The following GALNTL6 variants were observed in gnomAD, a reference collection of about 807,000 sequenced individuals.
GALNTL6 encodes the protein polypeptide N-acetylgalactosaminyltransferase like 6.
A neutral mutation model predicts 73.7 loss-of-function variants in GALNTL6; 46 were observed. That is an observed-to-expected ratio of 0.62 (90% CI 0.49 to 0.80). GALNTL6 has a LOEUF of 0.80. GALNTL6 is among the 30% of genes least tolerant of loss of function. GALNTL6 has a pLI of 0.00. For synonymous variants in GALNTL6, 259 were observed against 263.7 expected (o/e 0.98, Z 0.17); for missense variants, 604 against 755.0 (o/e 0.80, Z 2.34).
chr4:172,018,027 G>T (rs1741264514), intron 2 of GALNTL6, among the ~76,000 whole-genome samples: 1 of 152,118 alleles, frequency 6.6e-6, no homozygotes, highest in Admixed American at 6.6e-5. Flanking sequence ...CATGTGAACA[G>T]ATTTGGGACC....
intron 5 of GALNTL6, among the ~76,000 whole-genome samples, chr4:172,612,721 T>C (rs1738575128): frequency 6.6e-6 from 1 of 152,148 alleles, no homozygotes; most frequent in African/African-American, 2.4e-5. Flanking sequence ...CTTCTTTTTT[T>C]GTTTTCCCCT....
At chr4:172,884,069 T>C in intron 8 of GALNTL6, among the ~76,000 whole-genome samples, 1 of 152,160 alleles carries the variant, frequency 6.6e-6, no homozygotes, top group Non-Finnish European at 1.5e-5. Flanking sequence ...GAGACCATTG[T>C]CACAAAAAAA....
At chr4:172,017,449 A>G (rs1233218371) in intron 2 of GALNTL6, among the ~76,000 whole-genome samples, 1 of 152,038 alleles carries the variant, frequency 6.6e-6, no homozygotes, top group East Asian at 1.9e-4. Context: ...AAGGCTGTCT[A>G]TAGAGGCCTC....
chr4:171,945,988 A>G (rs1738691824), intron 2 of GALNTL6, among the ~76,000 whole-genome samples: 1 of 152,128 alleles, frequency 6.6e-6, no homozygotes, highest in East Asian at 1.9e-4. Context: ...GCTTATAAAG[A>G]GCTTACTGAA....
chr4:171,951,319 G>C (rs1738869803), intron 2 of GALNTL6, among the ~76,000 whole-genome samples: 1 of 152,030 alleles, frequency 6.6e-6, no homozygotes, highest in Non-Finnish European at 1.5e-5. Flanking sequence ...AAACAAGCTA[G>C]AAATATGTAA....
At chr4:172,207,038 C>A (rs1006306668) in intron 2 of GALNTL6, among the ~76,000 whole-genome samples, 3 of 151,254 alleles carry the variant, frequency 2.0e-5, no homozygotes, top group Admixed American at 6.6e-5. Flanking sequence ...AGGATGATCT[C>A]AATCTCCTGA....
At chr4:172,708,037 A>G (rs1349901705) in intron 5 of GALNTL6, among the ~76,000 whole-genome samples, 1 of 152,076 alleles carries the variant, frequency 6.6e-6, no homozygotes, top group East Asian at 1.9e-4. Flanking sequence ...CATTTGATAA[A>G]TAATATAATT....
chr4:172,388,747 A>C (rs1245504448), intron 5 of GALNTL6, among the ~76,000 whole-genome samples: 1 of 152,068 alleles, frequency 6.6e-6, no homozygotes, highest in Non-Finnish European at 1.5e-5. Context: ...ATGAGAAAAA[A>C]ATTTGAGGAA....
intron 11 of GALNTL6, among the ~76,000 whole-genome samples, chr4:173,020,702 T>C (rs150779720): frequency 2.1e-4 from 32 of 152,372 alleles, no homozygotes; most frequent in African/African-American, 7.2e-4. Context: ...TCTCTTTAGC[T>C]AATCTGCAAA....
chr4:172,843,380 G>C (rs1743322993), intron 7 of GALNTL6, among the ~76,000 whole-genome samples: 1 of 152,146 alleles, frequency 6.6e-6, no homozygotes, highest in South Asian at 2.1e-4. Flanking sequence ...CTGCTGTAAG[G>C]CCTCTCATGA....
chr4:172,992,265 T>C (rs1751578703), intron 10 of GALNTL6, among the ~76,000 whole-genome samples: 1 of 152,184 alleles, frequency 6.6e-6, no homozygotes, highest in Non-Finnish European at 1.5e-5. Context: ...GATTTAAAAT[T>C]TGGAAAATAT....
chr4:172,661,563 T>G (rs1266443184), intron 5 of GALNTL6, among the ~76,000 whole-genome samples: 3 of 152,192 alleles, frequency 2.0e-5, no homozygotes, highest in African/African-American at 7.2e-5. Flanking sequence ...ATTTTAATTA[T>G]AATATTCTTT....
At chr4:172,228,285 AT>A (rs1250230014) in intron 2 of GALNTL6, among the ~76,000 whole-genome samples, 1 of 152,030 alleles carries the variant, frequency 6.6e-6, no homozygotes, top group South Asian at 2.1e-4. Context: ...TATTCCTGAT[AT>A]TTTACATAAA....
intron 5 of GALNTL6, among the ~76,000 whole-genome samples, chr4:172,399,869 A>G (rs234125): frequency 0.042 from 6,432 of 152,104 alleles, 421 homozygotes; most frequent in African/African-American, 0.14. Flanking sequence ...ACTATTTGTT[A>G]AGATAGTTTT....
intron 5 of GALNTL6, among the ~76,000 whole-genome samples, chr4:172,715,414 G>A (rs183018169): frequency 6.6e-6 from 1 of 152,308 alleles, no homozygotes; most frequent in East Asian, 1.9e-4. Flanking sequence ...ATAAAAGAGT[G>A]CAGGTTCTGC....
At chr4:172,372,807 G>C (rs575970792) in intron 5 of GALNTL6, among the ~76,000 whole-genome samples, 1 of 152,096 alleles carries the variant, frequency 6.6e-6, no homozygotes, top group Non-Finnish European at 1.5e-5. Flanking sequence ...CGCTGTATCC[G>C]GGGATCCATA....
chr4:172,974,044 A>T (rs1750699168), intron 10 of GALNTL6, among the ~76,000 whole-genome samples: 1 of 152,244 alleles, frequency 6.6e-6, no homozygotes, highest in Non-Finnish European at 1.5e-5. Context: ...TAACTATAAG[A>T]AAGACAAAGT....
chr4:172,056,076 C>T (rs966590369), intron 2 of GALNTL6, among the ~76,000 whole-genome samples: 2 of 151,984 alleles, frequency 1.3e-5, no homozygotes, highest in Non-Finnish European at 2.9e-5. Flanking sequence ...AGTGAAGATA[C>T]CTATAAACAA....
rs6814332 is a variant in GALNTL6 at position 172,351,191 on chromosome 4, C to T, written c.553+2502C>T. The stretch of plus-strand genomic sequence containing the variant: ...GATCCACAATAATCTGTCTATCTAT[C>T]TATCTATCTATCTATCTATCTATCT... On this transcript the variant is annotated intron_variant, in intron 5 of 12. Coordinates refer to ENST00000506823, the MANE Select transcript of GALNTL6 (RefSeq NM_001034845.3). 5.2e-3 allele frequency among the ~76,000 whole-genome samples: 774 copies of T among 149,612 alleles called. 7 individuals are homozygous for T. Among genetic ancestry groups the T allele is most frequent in the Admixed American group, 0.027 (401 of 15,118 alleles).
Sources: allele counts gnomAD v4.1 joint callset (sites outside exome capture counted in the v4.1 genomes callset), GRCh38; gene constraint gnomAD v4.1.1; transcripts MANE v1.5; gene names NCBI Gene and HGNC (gene_info 2026-07-23, HGNC 2026-07-21).